Variants in GRAMD1B observed in about 807,000 individuals in gnomAD.
GRAMD1B encodes protein Aster-B.
Under a neutral mutation model 99.7 loss-of-function variants are expected in GRAMD1B, and 37 were observed. That is an observed-to-expected ratio of 0.37 (90% CI 0.29 to 0.49). The LOEUF is 0.49. GRAMD1B is among the 20% of genes least tolerant of loss of function. GRAMD1B has a pLI of 0.98. For synonymous variants in GRAMD1B, 427 were observed against 387.6 expected, an observed-to-expected ratio of 1.10 and a Z score of -1.19; for missense variants, 888 against 1,009.2, an observed-to-expected ratio of 0.88 and a Z score of 1.63.
intron 1 of GRAMD1B, among the ~76,000 whole-genome samples, chr11:123,397,100 C>G (rs1346039896): frequency 1.3e-5 from 2 of 151,988 alleles, no homozygotes; most frequent in Admixed American, 6.6e-5. Flanking sequence ...TGCTTATCTT[C>G]GTTCAATTAA....
rs200086748 is a variant in GRAMD1B, at chr11:123,541,539, T to TC, written c.453-35828_453-35827insC. ...TATTTATATTTCTTCTGTGAATTGATTTTTTTTTTTTTTGGCCTTTGCTCC... is the reference window on the plus strand; with the variant it reads ...TATTTATATTTCTTCTGTGAATTGATCTTTTTTTTTTTTTGGCCTTTGCTCC... On this transcript the variant is annotated intron_variant, in intron 2 of 19. Coordinates refer to ENST00000635736, the MANE Select transcript of GRAMD1B (RefSeq NM_001387025.1). Among the ~76,000 whole-genome samples, 46 of 138,086 alleles carry TC rather than the reference T, an allele frequency of 3.3e-4. 1 individual carries two copies. Among genetic ancestry groups the TC allele is most frequent in the Admixed American group, 1.6e-3 (23 of 14,154 alleles). 90.6% of individuals were successfully genotyped at this position (138,086 alleles called of 152,430 possible).
At chr11:123,567,110 A>G (rs948173700) in intron 2 of GRAMD1B, among the ~76,000 whole-genome samples, 1 of 152,068 alleles carries the variant, frequency 6.6e-6, no homozygotes, top group African/African-American at 2.4e-5. Flanking sequence ...AAAAGGAACC[A>G]GCATTCAAAA....
rs188670405 is a variant in GRAMD1B at position 123,467,106 on chromosome 11, G to T, written c.375-13710G>T. Among the ~76,000 whole-genome samples, 113 of 152,260 alleles carry T rather than the reference G, an allele frequency of 7.4e-4. 2 individuals carry two copies. The highest frequency in any genetic ancestry group is 1.3e-4 in the Non-Finnish European group (9 of 68,000). ...GGATCATTTACCCTTTGTGAAAAAGGATAAAGAATATTTATTTATTTTTCC... is the reference window on the plus strand; with the variant it reads ...GGATCATTTACCCTTTGTGAAAAAGTATAAAGAATATTTATTTATTTTTCC... On this transcript the variant is annotated intron_variant, in intron 1 of 19. Coordinates refer to ENST00000635736, the MANE Select transcript of GRAMD1B (RefSeq NM_001387025.1).
At chr11:123,446,412 C>T (rs1398474572) in intron 1 of GRAMD1B, among the ~76,000 whole-genome samples, 2 of 152,202 alleles carry the variant, frequency 1.3e-5, no homozygotes, top group East Asian at 1.9e-4. Context: ...GTGATCCACC[C>T]GCCTTGCCCT....
chr11:123,471,235 T>C (rs543861347), intron 1 of GRAMD1B, among the ~76,000 whole-genome samples: 1 of 152,272 alleles, frequency 6.6e-6, no homozygotes, highest in African/African-American at 2.4e-5. Flanking sequence ...GCACATTATA[T>C]TGATAACAAT....
At position 123,591,408 on chromosome 11, in the gene GRAMD1B, C is replaced by T. The variant is rs759780309; in HGVS notation, c.685-2674C>T. 5 of 399,004 alleles carry T rather than the reference C, an allele frequency of 1.3e-5. No individual in the cohort carries two copies. The highest frequency in any genetic ancestry group is 1.3e-4 in the South Asian group (1 of 7,850). The allele number at this position is 399,004 out of a possible 1,614,324, so 24.7% of individuals were successfully genotyped here. A position where few individuals can be genotyped will look rare whatever the true frequency, so the allele number is the denominator to read the frequency against. On this transcript the variant is annotated intron_variant, in intron 4 of 19. Coordinates refer to ENST00000635736, the MANE Select transcript of GRAMD1B (RefSeq NM_001387025.1). The surrounding 1 kb of genome is among the most constrained non-coding windows in gnomAD (Gnocchi z 4.7). ...CCGTGCTGGGCAATGGAATCACTGA[C>T]GGAGTCGGGGGTCCTCTGGAGCCTT... is the stretch of plus-strand genomic sequence containing the variant.
chr11:123,616,276 C>T (rs779009420), intron 17 of GRAMD1B, among the ~76,000 whole-genome samples: 4 of 152,262 alleles, frequency 2.6e-5, no homozygotes, highest in Middle Eastern at 3.4e-3. Flanking sequence ...GAGCTGAGAT[C>T]GCGCCACTGC....
At chr11:123,436,127 G>C (rs1448562387) in intron 1 of GRAMD1B, among the ~76,000 whole-genome samples, 1 of 151,904 alleles carries the variant, frequency 6.6e-6, no homozygotes, top group East Asian at 1.9e-4. Flanking sequence ...ATTTTTAGTA[G>C]AGACAGGGTT....
At position 123,439,096 on chromosome 11, in the gene GRAMD1B, G is replaced by C. The variant is rs1228505385; in HGVS notation, c.374+7930G>C. Reference sequence around the variant, plus strand: ...TTGCCAAGGGGCTGTTGTGCCTGGTGTGAGGAGGGACATAGCTTCTTATTG... The same window carrying C: ...TTGCCAAGGGGCTGTTGTGCCTGGTCTGAGGAGGGACATAGCTTCTTATTG... On this transcript the variant is annotated intron_variant, in intron 1 of 19. Coordinates refer to ENST00000635736, the MANE Select transcript of GRAMD1B (RefSeq NM_001387025.1). 5.3e-5 allele frequency among the ~76,000 whole-genome samples: 8 copies of C among 152,326 alleles called. No homozygotes were observed. The South Asian group carries it at 6.2e-4, about 12-fold the overall frequency.
At chr11:123,374,747 C>T (rs539998891) in intron 1 of GRAMD1B, among the ~76,000 whole-genome samples, 7 of 152,274 alleles carry the variant, frequency 4.6e-5, no homozygotes, top group South Asian at 2.1e-4. Context: ...TTGGGTCATG[C>T]GGTGACAGAT....
chr11:123,601,220 A>G (rs1196186634), intron 8 of GRAMD1B, among the ~76,000 whole-genome samples: 2 of 152,164 alleles, frequency 1.3e-5, no homozygotes, highest in Non-Finnish European at 2.9e-5. Flanking sequence ...CCCAGATGCC[A>G]CAACTTAAAG....
intron 2 of GRAMD1B, chr11:123,491,921 C>T (rs1938597192): frequency 2.5e-6 from 1 of 399,138 alleles, no homozygotes; most frequent in African/African-American, 2.1e-5. Context: ...ACTACCACGT[C>T]TCCTCCCTGA....
At position 123,515,820 on chromosome 11, in the gene GRAMD1B, T is replaced by G. The variant is rs145830962; in HGVS notation, c.452+34927T>G. On this transcript the variant is annotated intron_variant, in intron 2 of 19. Coordinates refer to ENST00000635736, the MANE Select transcript of GRAMD1B (RefSeq NM_001387025.1). ...TCTTGCTCTGTCTCCCAGGCTGGAG[T>G]GCAGTGGCATGATCTCAGCTCATTG... 3.9e-3 allele frequency among the ~76,000 whole-genome samples: 585 copies of G among 151,764 alleles called. 4 individuals carry two copies. Among genetic ancestry groups the G allele is most frequent in the African/African-American group, 0.014 (565 of 41,388 alleles).
intron 3 of GRAMD1B, among the ~76,000 whole-genome samples, chr11:123,581,917 G>A (rs1949395601): frequency 6.6e-6 from 1 of 152,230 alleles, no homozygotes; most frequent in Non-Finnish European, 1.5e-5. Flanking sequence ...GCAGGAGGGA[G>A]CCCCGTGCAG....
At chr11:123,544,233 A>G (rs1944838672) in intron 2 of GRAMD1B, among the ~76,000 whole-genome samples, 1 of 152,160 alleles carries the variant, frequency 6.6e-6, no homozygotes, top group African/African-American at 2.4e-5. Flanking sequence ...TTTGTTTCTG[A>G]TATTTATTTA....
chr11:123,610,421 G>C lies in GRAMD1B; in HGVS notation c.1919+83G>C. On this transcript the variant is annotated intron_variant, in intron 14 of 19. Transcript: ENST00000635736. The surrounding 1 kb of genome is among the most constrained non-coding windows in gnomAD (Gnocchi z 4.1). ...TCATTTGCTCCTGACGGGGAAGGAG[G>C]AGGTGGGGAGTGCTTGGCTGCTGAC... The C allele has an allele frequency of 7.3e-7, 1 of 1,366,916 alleles. No homozygotes were observed. The highest frequency in any genetic ancestry group is 1.0e-6 in the Non-Finnish European group (1 of 964,192). The allele number at this position is 1,366,916 out of a possible 1,614,324, so 84.7% of individuals were successfully genotyped here. A position where few individuals can be genotyped will look rare whatever the true frequency, so the allele number is the denominator to read the frequency against.
chr11:123,446,367 T>C (rs558002544), intron 1 of GRAMD1B, among the ~76,000 whole-genome samples: 1 of 151,940 alleles, frequency 6.6e-6, no homozygotes, highest in African/African-American at 2.4e-5. Context: ...GGTTTCACCA[T>C]GTTGGCCAGG....
At chr11:123,525,848 A>T in intron 2 of GRAMD1B, 1 of 475,180 alleles carries the variant, frequency 2.1e-6, no homozygotes, top group Non-Finnish European at 3.8e-6. Context: ...ACCCATCCTC[A>T]TCAGAAACTG....
chr11:123,407,597 A>C (rs1947899111), intron 1 of GRAMD1B, among the ~76,000 whole-genome samples: 1 of 152,188 alleles, frequency 6.6e-6, no homozygotes, highest in Non-Finnish European at 1.5e-5. Context: ...CCACCAGGTG[A>C]TCTGCCATTT....
Sources: allele counts gnomAD v4.1 joint callset (sites outside exome capture counted in the v4.1 genomes callset), GRCh38; gene constraint gnomAD v4.1.1; non-coding constraint Gnocchi (gnomAD v3.1); transcripts MANE v1.5; gene names NCBI Gene and HGNC (gene_info 2026-07-23, HGNC 2026-07-21).